ARHGAP24: variants seen among roughly 807,000 people sequenced by gnomAD.
The protein encoded by ARHGAP24 is Rho GTPase activating protein 24.
In ARHGAP24, 50 loss-of-function variants were observed where a neutral mutation model predicts 76.4. The ratio of observed to expected loss-of-function variants is 0.65; its 90% CI spans 0.52 to 0.83. The LOEUF is 0.83. Ranked by LOEUF, ARHGAP24 falls within the 40% of genes least tolerant of loss-of-function variation. The pLI is 0.00. For missense variants in ARHGAP24, 930 were observed against 914.2 expected (o/e 1.02, Z -0.22); for synonymous variants, 345 against 323.3 (o/e 1.07, Z -0.72).
rs1047963963 is a variant in ARHGAP24 at position 85,575,821 on chromosome 4, G to A, written c.180+5100G>A. Among the ~76,000 whole-genome samples, 7 of 152,196 alleles carry A rather than the reference G, an allele frequency of 4.6e-5. No individual in the cohort carries two copies. The East Asian group carries it at 1.2e-3, about 25-fold the overall frequency. On this transcript the variant is annotated intron_variant, in intron 2 of 9. Transcript: ENST00000395184. ...AAATAAAAGCTAAGTCTCAAGCTTG[G>A]CCATACTAGAGAAAGCCTCTGACAT...
intron 3 of ARHGAP24, among the ~76,000 whole-genome samples, chr4:85,867,868 A>G (rs1347163502): frequency 7.0e-6 from 1 of 143,200 alleles, no homozygotes; most frequent in African/African-American, 2.6e-5. Flanking sequence ...TATAACATAT[A>G]TATATAAACA....
At chr4:85,636,139 A>G (rs1721300593) in intron 2 of ARHGAP24, among the ~76,000 whole-genome samples, 2 of 150,208 alleles carry the variant, frequency 1.3e-5, no homozygotes, top group South Asian at 2.1e-4. Context: ...GATACGACTG[A>G]CCTTCACTCT....
At position 85,480,558 on chromosome 4, in the gene ARHGAP24, C is replaced by T. The variant is rs540303175; in HGVS notation, c.-21+4999C>T. Among the ~76,000 whole-genome samples the T allele has an allele frequency of 2.3e-4, 35 of 152,236 alleles. No homozygotes were observed. In the South Asian group the frequency reaches 7.0e-3, roughly 31 times the overall value. ...GAAAACAGATTGAATAGTTACATCA[C>T]GTTTTTTTCTTGATACAATTAGTTA... On this transcript the variant is annotated intron_variant, in intron 1 of 9. Coordinates refer to ENST00000395184, the MANE Select transcript of ARHGAP24 (RefSeq NM_001025616.3).
At chr4:85,542,266 ATTT>A (rs1291362466) in intron 1 of ARHGAP24, among the ~76,000 whole-genome samples, 1 of 152,134 alleles carries the variant, frequency 6.6e-6, no homozygotes, top group Non-Finnish European at 1.5e-5. Flanking sequence ...AAATGCTGCT[ATTT>A]TTATTGATAT....
intron 3 of ARHGAP24, among the ~76,000 whole-genome samples, chr4:85,914,603 A>G (rs6811531): frequency 0.31 from 46,590 of 152,098 alleles, 7,377 homozygotes; most frequent in South Asian, 0.5. Flanking sequence ...TATGTGAAGA[A>G]TCTTTGGCCC....
At chr4:85,993,988 T>G (rs1373769929) in intron 8 of ARHGAP24, among the ~76,000 whole-genome samples, 3 of 152,190 alleles carry the variant, frequency 2.0e-5, no homozygotes, top group African/African-American at 7.2e-5. Flanking sequence ...TTCTGGCTGA[T>G]GTCGCTTAAA....
chr4:85,542,655 A>C (rs1166280887), intron 1 of ARHGAP24, among the ~76,000 whole-genome samples: 3 of 152,160 alleles, frequency 2.0e-5, no homozygotes, highest in Non-Finnish European at 4.4e-5. Context: ...GAAATAAAAC[A>C]AAAGAAATAA....
At chr4:85,581,663 T>C (rs189042592) in intron 2 of ARHGAP24, among the ~76,000 whole-genome samples, 2 of 152,216 alleles carry the variant, frequency 1.3e-5, no homozygotes, top group Admixed American at 1.3e-4. Flanking sequence ...CAGAAAACAT[T>C]AGCAGTAAGA....
At chr4:85,628,034 T>C (rs1204163861) in intron 2 of ARHGAP24, among the ~76,000 whole-genome samples, 2 of 152,154 alleles carry the variant, frequency 1.3e-5, no homozygotes, top group African/African-American at 4.8e-5. Context: ...CCAGGTGAGG[T>C]GATGCCTCGC....
At chr4:85,890,430 G>T (rs1043533770) in intron 3 of ARHGAP24, among the ~76,000 whole-genome samples, 7 of 152,116 alleles carry the variant, frequency 4.6e-5, no homozygotes, top group Non-Finnish European at 7.4e-5. Flanking sequence ...AGGAGAGATA[G>T]TTAAGCAAAG....
intron 2 of ARHGAP24, among the ~76,000 whole-genome samples, chr4:85,644,933 G>A (rs910997277): frequency 2.6e-5 from 4 of 152,034 alleles, no homozygotes; most frequent in East Asian, 1.9e-4. Context: ...AGAGAAATGA[G>A]TAACTCATTT....
chr4:85,940,410 C>T (rs553079539), intron 4 of ARHGAP24, among the ~76,000 whole-genome samples: 21 of 151,974 alleles, frequency 1.4e-4, no homozygotes, highest in Admixed American at 1.4e-3. Context: ...GAGTGACTGA[C>T]AATTACAGAT....
intron 3 of ARHGAP24, among the ~76,000 whole-genome samples, chr4:85,797,685 CTCT>C (rs967609156): frequency 9.2e-5 from 14 of 152,356 alleles, no homozygotes; most frequent in African/African-American, 3.1e-4. Context: ...AACAAAATTT[CTCT>C]TCTTGTCAAT....
intron 2 of ARHGAP24, among the ~76,000 whole-genome samples, chr4:85,580,367 C>T (rs1001450884): frequency 3.3e-5 from 5 of 152,108 alleles, no homozygotes; most frequent in African/African-American, 1.2e-4. Context: ...ATGACCATCT[C>T]GACTTCCCAG....
chr4:85,475,400 A>G lies in ARHGAP24; in HGVS notation c.-180A>G, dbSNP rs11946338. On this transcript the variant is annotated 5_prime_UTR_variant, in exon 1 of 10. Transcript: ENST00000395184. ...ATTTCCTCCGAAACCCGCGCTGCGG[A>G]GCAGCCCAGTGCATAGAGTTCAACA... 20 of 152,668 alleles carry G rather than the reference A, an allele frequency of 1.3e-4. No homozygotes were observed. Among genetic ancestry groups the G allele is most frequent in the African/African-American group, 4.1e-4 (17 of 41,408 alleles). 9.5% of individuals were successfully genotyped at this position (152,668 alleles called of 1,614,324 possible).
At chr4:85,697,081 G>T (rs755423511) in intron 2 of ARHGAP24, among the ~76,000 whole-genome samples, 3 of 152,124 alleles carry the variant, frequency 2.0e-5, no homozygotes, top group Non-Finnish European at 4.4e-5. Context: ...CTGGACCAAC[G>T]ATCAGCTAGT....
chr4:85,773,307 T>C (rs1267368995), intron 3 of ARHGAP24, among the ~76,000 whole-genome samples: 1 of 152,198 alleles, frequency 6.6e-6, no homozygotes, highest in Admixed American at 6.6e-5. Context: ...TATCTCTTAT[T>C]TAAAATCTTT....
intron 3 of ARHGAP24, among the ~76,000 whole-genome samples, chr4:85,851,693 C>T (rs999268029): frequency 6.6e-6 from 1 of 152,132 alleles, no homozygotes; most frequent in Non-Finnish European, 1.5e-5. Context: ...GATTTTGTTT[C>T]TCCTTCACTT....
chr4:85,477,558 T>C (rs1387999295), intron 1 of ARHGAP24, among the ~76,000 whole-genome samples: 1 of 152,184 alleles, frequency 6.6e-6, no homozygotes, highest in Non-Finnish European at 1.5e-5. Flanking sequence ...CTGAGAGCTT[T>C]CATGGATCAT....
Sources: gnomAD v4.1 joint callset for allele counts (sites outside exome capture counted in the v4.1 genomes callset) on GRCh38, gnomAD v4.1.1 for gene constraint, MANE v1.5 for transcripts, NCBI Gene and HGNC (gene_info 2026-07-23, HGNC 2026-07-21) for gene names.